Variants in FTCDNL1 observed in about 807,000 individuals in gnomAD.
FTCDNL1 encodes the protein formiminotransferase cyclodeaminase N-terminal like.
Under a neutral mutation model 5.9 loss-of-function variants are expected in FTCDNL1, and 11 were observed. That is an observed-to-expected ratio of 1.87 (90% CI 1.18 to 3.10). The LOEUF (loss-of-function observed/expected upper bound fraction) is 3.10, where lower values mean the gene tolerates loss of function less well. Among genes scored for constraint, FTCDNL1 ranks in the 30% most tolerant of loss-of-function variants. The pLI is 0.00. For missense variants in FTCDNL1, 115 were observed against 65.5 expected (o/e 1.76, Z -2.61); for synonymous variants, 58 against 24.8 (o/e 2.34, Z -3.99).
At chr2:199,789,923 T>C (rs1699837874) in intron 3 of FTCDNL1, among the ~76,000 whole-genome samples, 1 of 152,264 alleles carries the variant, frequency 6.6e-6, no homozygotes, top group East Asian at 1.9e-4. Flanking sequence ...AAGAGGATGG[T>C]AACTCTACTG....
intron 3 of FTCDNL1, among the ~76,000 whole-genome samples, chr2:199,820,274 G>T (rs972107501): frequency 2.0e-5 from 3 of 152,034 alleles, no homozygotes; most frequent in Non-Finnish European, 2.9e-5. Context: ...TTTTAATTAG[G>T]ATTTATCTCT....
At chr2:199,691,224 G>A in the FTCDNL1 span, among the ~76,000 whole-genome samples, 1 of 152,192 alleles carries the variant, frequency 6.6e-6, no homozygotes, top group Admixed American at 6.5e-5. Context: ...CCAGGCTGGA[G>A]TGCAATGGCA....
chr2:199,830,750 T>C (rs186279009), intron 3 of FTCDNL1, among the ~76,000 whole-genome samples: 2 of 152,304 alleles, frequency 1.3e-5, no homozygotes, highest in East Asian at 3.9e-4. Flanking sequence ...AAGAAATTTT[T>C]ACCATATGTA....
chr2:199,787,167 C>T (rs1699694563), intron 3 of FTCDNL1, among the ~76,000 whole-genome samples: 1 of 151,564 alleles, frequency 6.6e-6, no homozygotes, highest in African/African-American at 2.4e-5. Flanking sequence ...TGATTGGCAA[C>T]CTTAATTTTC....
At chr2:199,849,999 T>C (rs964306154) in intron 1 of FTCDNL1, among the ~76,000 whole-genome samples, 4 of 152,194 alleles carry the variant, frequency 2.6e-5, no homozygotes, top group Non-Finnish European at 5.9e-5. Flanking sequence ...CGTTAAACTT[T>C]AGAGTTTAAG....
At chr2:199,680,502 G>C in the FTCDNL1 span, among the ~76,000 whole-genome samples, 3 of 152,132 alleles carry the variant, frequency 2.0e-5, no homozygotes, top group Non-Finnish European at 4.4e-5. Context: ...TTGAAACCAG[G>C]AAAAAATTAG....
chr2:199,708,933 GA>G, the FTCDNL1 span, among the ~76,000 whole-genome samples: 1 of 151,982 alleles, frequency 6.6e-6, no homozygotes, highest in African/African-American at 2.4e-5. Context: ...AGATCCCTCA[GA>G]TACCCTGAAC....
At chr2:199,679,611 T>G in the FTCDNL1 span, among the ~76,000 whole-genome samples, 4 of 151,920 alleles carry the variant, frequency 2.6e-5, no homozygotes, top group Admixed American at 2.0e-4. Context: ...CCATGGTGAT[T>G]TGGAACATAG....
chr2:199,714,997 G>A, the FTCDNL1 span, among the ~76,000 whole-genome samples: 1 of 151,634 alleles, frequency 6.6e-6, no homozygotes, highest in African/African-American at 2.4e-5. Flanking sequence ...AATGTTAAAT[G>A]ACAAGTTACT....
intron 3 of FTCDNL1, among the ~76,000 whole-genome samples, chr2:199,828,114 A>T (rs1471843406): frequency 6.6e-6 from 1 of 152,080 alleles, no homozygotes; most frequent in African/African-American, 2.4e-5. Context: ...TATAGTAAGT[A>T]GGTATTTGTA....
downstream of FTCDNL1, among the ~76,000 whole-genome samples, chr2:199,809,204 A>G (rs1700891633): frequency 6.6e-6 from 1 of 152,188 alleles, no homozygotes; most frequent in Non-Finnish European, 1.5e-5. Context: ...GTAAGTAAAA[A>G]AAATTAGATC....
chr2:199,799,750 T>C (rs1291867995), intron 3 of FTCDNL1, among the ~76,000 whole-genome samples: 4 of 152,314 alleles, frequency 2.6e-5, no homozygotes, highest in Admixed American at 1.3e-4. Flanking sequence ...AATGTATAAA[T>C]GATAACATCT....
chr2:199,677,856 T>C, the FTCDNL1 span, among the ~76,000 whole-genome samples: 1 of 152,186 alleles, frequency 6.6e-6, no homozygotes, highest in Admixed American at 6.6e-5. Context: ...AAGTAAAATG[T>C]ACAATACTGG....
chr2:199,793,542 T>TCAC (rs3081592), intron 3 of FTCDNL1, among the ~76,000 whole-genome samples: 81,982 of 151,722 alleles, frequency 0.54, 23,212 homozygotes, highest in East Asian at 0.84. Flanking sequence ...TTATGAATTT[T>TCAC]CACAAAATCA....
At chr2:199,732,757 C>T in the FTCDNL1 span, among the ~76,000 whole-genome samples, 432 of 152,264 alleles carry the variant, frequency 2.8e-3, 5 homozygotes, top group African/African-American at 9.8e-3. Context: ...TCAAATAATG[C>T]ACCCTAACCC....
At chr2:199,667,571 G>A in the FTCDNL1 span, among the ~76,000 whole-genome samples, 3 of 152,172 alleles carry the variant, frequency 2.0e-5, no homozygotes, top group African/African-American at 7.2e-5. Flanking sequence ...GGGAGGTCGA[G>A]GCTTCAGTAA....
At chr2:199,787,825 T>C (rs1292267137) in intron 3 of FTCDNL1, among the ~76,000 whole-genome samples, 2 of 152,068 alleles carry the variant, frequency 1.3e-5, no homozygotes, top group Non-Finnish European at 2.9e-5. Context: ...AATTCACAGA[T>C]AGTCAATTTT....
At chr2:199,777,096 T>C (rs1166271654) in intron 3 of FTCDNL1, among the ~76,000 whole-genome samples, 1 of 151,450 alleles carries the variant, frequency 6.6e-6, no homozygotes, top group Non-Finnish European at 1.5e-5. Flanking sequence ...AGTTCGAGAC[T>C]AGCCTGGCCA....
chr2:199,772,884 TG>T (rs1559174500), intron 3 of FTCDNL1, among the ~76,000 whole-genome samples: 1 of 152,224 alleles, frequency 6.6e-6, no homozygotes, highest in Non-Finnish European at 1.5e-5. Context: ...CCACACGCCC[TG>T]TATTAATAAT....
Sources: gnomAD v4.1 joint callset for allele counts (sites outside exome capture counted in the v4.1 genomes callset) on GRCh38, gnomAD v4.1.1 for gene constraint, MANE v1.5 for transcripts, NCBI Gene and HGNC (gene_info 2026-07-23, HGNC 2026-07-21) for gene names.